SLC24A2: variants seen among roughly 807,000 people sequenced by gnomAD.
SLC24A2 encodes the protein sodium/potassium/calcium exchanger 2.
In SLC24A2, 36 loss-of-function variants were observed where a neutral mutation model predicts 62.0. The observed-to-expected ratio is 0.58, with a 90% confidence interval of 0.44 to 0.77. The LOEUF is 0.77. SLC24A2 is among the 30% of genes least tolerant of loss of function. SLC24A2 has a pLI of 0.00. For synonymous variants in SLC24A2, 358 were observed against 294.0 expected, an observed-to-expected ratio of 1.22 and a Z score of -2.23; for missense variants, 846 against 817.9, an observed-to-expected ratio of 1.03 and a Z score of -0.42.
Position 19,786,991 on chromosome 9 carries a change from T to C in SLC24A2, c.-125A>G, listed in dbSNP as rs1040701589. 4.8e-6 allele frequency: 7 copies of C among 1,451,912 alleles called. No homozygotes were observed. The highest frequency in any genetic ancestry group is 2.3e-5 in the East Asian group (1 of 42,990). The allele number at this position is 1,451,912 out of a possible 1,614,324, so 89.9% of individuals were successfully genotyped here. On this transcript the variant is annotated 5_prime_UTR_variant, in exon 2 of 11. Coordinates refer to ENST00000341998, the MANE Select transcript of SLC24A2 (RefSeq NM_020344.4). The surrounding 1 kb of genome is among the most constrained non-coding windows in gnomAD (Gnocchi z 5.0). ...GTACTTTCACAATCAGGGATTGTTA[T>C]GCTTCACAGGAAACTTTCATCATTT...
At chr9:19,960,497 G>C in the SLC24A2 span, among the ~76,000 whole-genome samples, 2 of 152,196 alleles carry the variant, frequency 1.3e-5, no homozygotes, top group Non-Finnish European at 2.9e-5. Context: ...TGTGAGACTG[G>C]AACCTTGGGC....
the SLC24A2 span, among the ~76,000 whole-genome samples, chr9:19,908,711 G>A: frequency 6.6e-6 from 1 of 152,150 alleles, no homozygotes; most frequent in Non-Finnish European, 1.5e-5. Context: ...CATTTATGCA[G>A]CCAAAAAACA....
chr9:19,787,026 T>A lies in SLC24A2; in HGVS notation c.-153-7A>T. ...GAAACTTTCATCATTTATGCTTAAATAAAAATAAAAACGAGAATAAGTAAA... is the reference window on the plus strand; with the variant it reads ...GAAACTTTCATCATTTATGCTTAAAAAAAAATAAAAACGAGAATAAGTAAA... On this transcript the variant is annotated splice_polypyrimidine_tract_variant and splice_region_variant and intron_variant, in intron 1 of 10. Transcript: ENST00000341998. 1 of 1,375,586 alleles carries A rather than the reference T, an allele frequency of 7.3e-7. No homozygotes were observed. Among genetic ancestry groups the A allele is most frequent in the Non-Finnish European group, 9.4e-7 (1 of 1,066,450 alleles). The allele number at this position is 1,375,586 out of a possible 1,614,324, so 85.2% of individuals were successfully genotyped here.
chr9:19,978,199 A>G, the SLC24A2 span, among the ~76,000 whole-genome samples: 6 of 152,194 alleles, frequency 3.9e-5, no homozygotes, highest in Non-Finnish European at 8.8e-5. Flanking sequence ...GCTGGTTTAC[A>G]ACCATATAAC....
the SLC24A2 span, among the ~76,000 whole-genome samples, chr9:20,267,494 G>A: frequency 6.6e-6 from 1 of 152,148 alleles, no homozygotes; most frequent in Admixed American, 6.5e-5. Context: ...AGGCTCTTTG[G>A]TGGTAGGAGA....
the SLC24A2 span, among the ~76,000 whole-genome samples, chr9:20,081,505 A>G: frequency 6.7e-6 from 1 of 149,866 alleles, no homozygotes; most frequent in South Asian, 2.2e-4. Context: ...GGGAGGGACA[A>G]CATTAGGAGA....
the SLC24A2 span, among the ~76,000 whole-genome samples, chr9:19,892,238 C>T: frequency 6.6e-6 from 1 of 152,170 alleles, no homozygotes; most frequent in South Asian, 2.1e-4. Flanking sequence ...TCTCAGTTAC[C>T]TTCCCTGACC....
chr9:19,744,351 C>T (rs1041797997), intron 2 of SLC24A2, among the ~76,000 whole-genome samples: 1 of 152,200 alleles, frequency 6.6e-6, no homozygotes, highest in Admixed American at 6.6e-5. Context: ...CCTTCTTCCT[C>T]TTTCTGGTCC....
chr9:20,162,411 C>T, the SLC24A2 span, among the ~76,000 whole-genome samples: 34 of 151,778 alleles, frequency 2.2e-4, no homozygotes, highest in South Asian at 6.9e-3. Context: ...ACACATACAC[C>T]CTCCCAAGAC....
the SLC24A2 span, among the ~76,000 whole-genome samples, chr9:20,015,665 A>G: frequency 6.6e-6 from 1 of 152,228 alleles, no homozygotes; most frequent in Non-Finnish European, 1.5e-5. Context: ...AACTCCAGTG[A>G]TTGCCTCGTT....
At chr9:19,619,153 A>C (rs1215624562) in intron 4 of SLC24A2, among the ~76,000 whole-genome samples, 1 of 152,146 alleles carries the variant, frequency 6.6e-6, no homozygotes, top group African/African-American at 2.4e-5. Flanking sequence ...ATCACTCCCC[A>C]AACCACTCAT....
intron 2 of SLC24A2, among the ~76,000 whole-genome samples, chr9:19,707,597 A>C (rs1820571847): frequency 6.6e-6 from 1 of 152,250 alleles, no homozygotes. Flanking sequence ...AGACTGGTTC[A>C]ACATACGAAA....
At chr9:19,903,577 G>T in the SLC24A2 span, among the ~76,000 whole-genome samples, 1 of 152,210 alleles carries the variant, frequency 6.6e-6, no homozygotes, top group African/African-American at 2.4e-5. Context: ...ACTCAGGTAG[G>T]CTGCAGCAAG....
At chr9:19,738,595 T>C (rs895642699) in intron 2 of SLC24A2, among the ~76,000 whole-genome samples, 6 of 151,706 alleles carry the variant, frequency 4.0e-5, no homozygotes, top group African/African-American at 1.5e-4. Flanking sequence ...TAGAAAAGTA[T>C]CATTATTATT....
chr9:19,655,336 TACC>T (rs1818915281), intron 2 of SLC24A2, among the ~76,000 whole-genome samples: 1 of 152,212 alleles, frequency 6.6e-6, no homozygotes, highest in Non-Finnish European at 1.5e-5. Context: ...GTAACAAAAC[TACC>T]ACAAGCTGAT....
At chr9:20,006,331 G>C in the SLC24A2 span, among the ~76,000 whole-genome samples, 1 of 151,906 alleles carries the variant, frequency 6.6e-6, no homozygotes, top group East Asian at 1.9e-4. Flanking sequence ...ATGAAGGGTA[G>C]TGGGTGAGGG....
At chr9:20,104,429 A>C in the SLC24A2 span, among the ~76,000 whole-genome samples, 4 of 152,318 alleles carry the variant, frequency 2.6e-5, no homozygotes, top group African/African-American at 9.6e-5. Context: ...GAAGGAAAAA[A>C]TGTTAAGGGC....
chr9:19,519,724 G>A (rs1330007513), intron 10 of SLC24A2, among the ~76,000 whole-genome samples: 1 of 152,146 alleles, frequency 6.6e-6, no homozygotes, highest in Non-Finnish European at 1.5e-5. Flanking sequence ...AGGGGCAAGA[G>A]CCTCCAAGTC....
the SLC24A2 span, among the ~76,000 whole-genome samples, chr9:20,258,833 C>CTAA: frequency 7.4e-6 from 1 of 134,698 alleles, no homozygotes; most frequent in Non-Finnish European, 1.6e-5. Flanking sequence ...ATCTATCTAT[C>CTAA]TGTCTATCTA....
Sources: gnomAD v4.1 joint callset for allele counts (sites outside exome capture counted in the v4.1 genomes callset) on GRCh38, gnomAD v4.1.1 for gene constraint, Gnocchi (gnomAD v3.1) non-coding constraint, MANE v1.5 for transcripts, NCBI Gene and HGNC (gene_info 2026-07-23, HGNC 2026-07-21) for gene names.